Variants in FAM120A observed in about 807,000 individuals in gnomAD.
The protein encoded by FAM120A is family with sequence similarity 120 member A.
Under a neutral mutation model 109.7 loss-of-function variants are expected in FAM120A, and 15 were observed. The observed-to-expected ratio is 0.14, with a 90% CI of 0.09 to 0.21. FAM120A has a LOEUF of 0.21. Ranked by LOEUF, FAM120A falls within the 10% of genes least tolerant of loss-of-function variation. The pLI is 1.00. For missense variants in FAM120A, 899 were observed against 1,439.3 expected, an observed-to-expected ratio of 0.62 and a Z score of 6.07; for synonymous variants, 493 against 572.8, an observed-to-expected ratio of 0.86 and a Z score of 1.99.
chr9:93,545,514 C>T (rs1385761331), intron 11 of FAM120A, among the ~76,000 whole-genome samples: 1 of 152,154 alleles, frequency 6.6e-6, no homozygotes, highest in Non-Finnish European at 1.5e-5. Context: ...GCCCCTGTTT[C>T]TTTTGGGGCC....
intron 1 of FAM120A, among the ~76,000 whole-genome samples, chr9:93,464,432 A>C (rs1227041254): frequency 6.6e-6 from 1 of 152,172 alleles, no homozygotes; most frequent in Non-Finnish European, 1.5e-5. Context: ...ACTTGTCAAC[A>C]CTAATGACAC....
At chr9:93,518,132 AAGAGACAGACATGTT>A (rs1261428534) in intron 7 of FAM120A, among the ~76,000 whole-genome samples, 1 of 152,158 alleles carries the variant, frequency 6.6e-6, no homozygotes, top group Non-Finnish European at 1.5e-5. Flanking sequence ...TATAATAAGG[AAGAGACAGACATGTT>A]AGACTTGAGA....
chr9:93,499,124 A>G (rs1859694531), intron 5 of FAM120A, among the ~76,000 whole-genome samples: 1 of 152,138 alleles, frequency 6.6e-6, no homozygotes, highest in South Asian at 2.1e-4. Context: ...TGTGCAGATG[A>G]GGCAGCAGGT....
rs1412126413 is a variant in FAM120A at position 93,470,135 on chromosome 9, G to C, written c.475-1006G>C. ...GGTGGCACACATTTTTCTCCTCCAA[G>C]GCCCTGTGGAGAGTTAATACTCCAT... On this transcript the variant is annotated intron_variant, in intron 1 of 17. Transcript: ENST00000277165. Among the ~76,000 whole-genome samples, 3 of 152,144 alleles carry C rather than the reference G, an allele frequency of 2.0e-5. No individual in the cohort carries two copies. In the East Asian group the frequency reaches 5.8e-4, roughly 29 times the overall value.
At position 93,451,737 on chromosome 9, in the gene FAM120A, T is replaced by G; in HGVS notation, c.-179T>G. ...GCGGCGGCAGGTCCCTCCCCAGACA[T>G]GGCCCTGGGAGGCGGCAGCACATGG... On this transcript the variant is annotated 5_prime_UTR_variant, in exon 1 of 18. The change abolishes an upstream ATG in the 5' untranslated region. Transcript: ENST00000277165. The G allele has an allele frequency of 1.0e-6, 1 of 972,308 alleles. No homozygotes were observed. The highest frequency in any genetic ancestry group is 5.3e-4 in the Middle Eastern group (1 of 1,898). The allele number at this position is 972,308 out of a possible 1,614,324, so 60.2% of individuals were successfully genotyped here. A position where few individuals can be genotyped will look rare whatever the true frequency, so the allele number is the denominator to read the frequency against.
intron 7 of FAM120A, among the ~76,000 whole-genome samples, chr9:93,521,344 G>A (rs1588877008): frequency 6.6e-6 from 1 of 152,198 alleles, no homozygotes; most frequent in Admixed American, 6.5e-5. Context: ...GGGGCCACAT[G>A]TGGTGGCTCA....
chr9:93,562,610 C>T (rs906021093), intron 17 of FAM120A, among the ~76,000 whole-genome samples: 1 of 151,996 alleles, frequency 6.6e-6, no homozygotes, highest in African/African-American at 2.4e-5. Flanking sequence ...TTGCCTAGCC[C>T]TGACAGAGCT....
At chr9:93,466,658 G>C (rs781354167) in intron 1 of FAM120A, among the ~76,000 whole-genome samples, 3 of 152,044 alleles carry the variant, frequency 2.0e-5, no homozygotes, top group Non-Finnish European at 4.4e-5. Context: ...TGCTACTGCT[G>C]CTTGGGGGTC....
intron 3 of FAM120A, among the ~76,000 whole-genome samples, chr9:93,486,674 C>A (rs1311248479): frequency 6.6e-6 from 1 of 151,926 alleles, no homozygotes; most frequent in African/African-American, 2.4e-5. Context: ...GCTGGAATTA[C>A]AGGTGTGTGC....
At chr9:93,466,088 C>T (rs1588786742) in intron 1 of FAM120A, among the ~76,000 whole-genome samples, 1 of 152,232 alleles carries the variant, frequency 6.6e-6, no homozygotes, top group East Asian at 1.9e-4. Flanking sequence ...AAGGAGCTCT[C>T]TGTGGGTGTT....
rs1263063596 is a variant in FAM120A at position 93,532,531 on chromosome 9, A to G, written c.1909+202A>G. The G allele has an allele frequency of 6.8e-6, 4 of 586,764 alleles. No individual in the cohort carries two copies. Among genetic ancestry groups the G allele is most frequent in the East Asian group, 2.8e-5 (1 of 35,110 alleles). The allele number at this position is 586,764 out of a possible 1,614,324, so 36.3% of individuals were successfully genotyped here. On this transcript the variant is annotated intron_variant, in intron 10 of 17. Transcript: ENST00000277165. The surrounding 1 kb of genome is among the most constrained non-coding windows in gnomAD (Gnocchi z 4.3). Reference sequence around the variant, plus strand: ...GCCACAGACTTTCTTCCTCAGTAACATTCCAATAATGATGTTTATTCAGTA... The same window carrying G: ...GCCACAGACTTTCTTCCTCAGTAACGTTCCAATAATGATGTTTATTCAGTA...
At chr9:93,541,758 A>G (rs141756930) in intron 10 of FAM120A, among the ~76,000 whole-genome samples, 5 of 152,356 alleles carry the variant, frequency 3.3e-5, no homozygotes, top group Non-Finnish European at 7.3e-5. Flanking sequence ...GTAAGGGGAC[A>G]CTATCTGGAG....
chr9:93,521,453 G>T (rs1860841792), intron 7 of FAM120A, among the ~76,000 whole-genome samples: 1 of 152,020 alleles, frequency 6.6e-6, no homozygotes, highest in South Asian at 2.1e-4. Context: ...ATGGTGGCAT[G>T]TGCCTGTGGG....
At chr9:93,501,905 T>A (rs1859819291) in intron 5 of FAM120A, among the ~76,000 whole-genome samples, 1 of 152,248 alleles carries the variant, frequency 6.6e-6, no homozygotes, top group Non-Finnish European at 1.5e-5. Flanking sequence ...TGCATACTAC[T>A]GGGATCCTAC....
intron 14 of FAM120A, 62 bp from the exon 15 acceptor site, chr9:93,558,492 GGCAGGGGCCACTCTGCCTGAATACCCA>G: frequency 1.3e-6 from 2 of 1,512,672 alleles, no homozygotes; most frequent in Admixed American, 3.7e-5. Flanking sequence ...AGCTGGAGGA[GGCAGGGGCCACTCTGCCTGAATACCCA>G]GCAGGGCCCT....
At chr9:93,513,888 G>C (rs1390864994) in intron 5 of FAM120A, among the ~76,000 whole-genome samples, 1 of 152,238 alleles carries the variant, frequency 6.6e-6, no homozygotes, top group African/African-American at 2.4e-5. Context: ...TTCAGAGAAC[G>C]AGAGTGAAGG....
chr9:93,523,422 A>T (rs1860927171), intron 7 of FAM120A: 1 of 762,804 alleles, frequency 1.3e-6, no homozygotes, highest in Non-Finnish European at 1.9e-6. Context: ...TTTCTTTCAG[A>T]TTGTTATGCT....
At chr9:93,470,697 T>A (rs945654362) in intron 1 of FAM120A, among the ~76,000 whole-genome samples, 1 of 152,224 alleles carries the variant, frequency 6.6e-6, no homozygotes, top group African/African-American at 2.4e-5. Flanking sequence ...TGATTTCACC[T>A]GACACATTTG....
At chr9:93,493,354 A>T (rs1011474878) in intron 3 of FAM120A, among the ~76,000 whole-genome samples, 2 of 152,196 alleles carry the variant, frequency 1.3e-5, no homozygotes, top group African/African-American at 4.8e-5. Context: ...CATCCATATC[A>T]AACACAATGA....
Sources: allele counts gnomAD v4.1 joint callset (sites outside exome capture counted in the v4.1 genomes callset), GRCh38; gene constraint gnomAD v4.1.1; non-coding constraint Gnocchi (gnomAD v3.1); transcripts MANE v1.5; gene names NCBI Gene and HGNC (gene_info 2026-07-23, HGNC 2026-07-21).